CNTN4: variants seen among roughly 807,000 people sequenced by gnomAD.
The protein encoded by CNTN4 is contactin 4.
Under a neutral mutation model 122.5 loss-of-function variants are expected in CNTN4, and 77 were observed. The ratio of observed to expected loss-of-function variants is 0.63; its 90% confidence interval spans 0.52 to 0.76. The LOEUF (loss-of-function observed/expected upper bound fraction) is 0.76. CNTN4 is among the 30% of genes least tolerant of loss of function. CNTN4 has a pLI of 0.00. For missense variants in CNTN4, 1,256 were observed against 1,259.1 expected (o/e 1.00, Z 0.04); for synonymous variants, 512 against 447.0 (o/e 1.15, Z -1.83).
chr3:2,164,671 T>C (rs1203111107), intron 2 of CNTN4, among the ~76,000 whole-genome samples: 1 of 152,176 alleles, frequency 6.6e-6, no homozygotes. Flanking sequence ...AATTTGACTA[T>C]TATCCAGTTT....
chr3:2,413,100 T>C (rs1035443241), intron 3 of CNTN4, among the ~76,000 whole-genome samples: 9 of 152,316 alleles, frequency 5.9e-5, no homozygotes, highest in African/African-American at 2.2e-4. Flanking sequence ...ATCGTTAAAA[T>C]GTACTATGTA....
intron 2 of CNTN4, among the ~76,000 whole-genome samples, chr3:2,336,007 A>G (rs547599572): frequency 5.9e-5 from 9 of 152,334 alleles, no homozygotes; most frequent in Admixed American, 4.6e-4. Context: ...ACACAGGTAC[A>G]TACTTTCCCA....
At chr3:3,021,254 T>A (rs1447003654) in intron 14 of CNTN4, among the ~76,000 whole-genome samples, 1 of 152,216 alleles carries the variant, frequency 6.6e-6, no homozygotes, top group East Asian at 1.9e-4. Flanking sequence ...TTATGCAGAA[T>A]TGATACAGTT....
chr3:2,923,767 C>A (rs1195386758), intron 12 of CNTN4, among the ~76,000 whole-genome samples: 2 of 152,066 alleles, frequency 1.3e-5, no homozygotes, highest in Non-Finnish European at 2.9e-5. Context: ...TTTAACTTAT[C>A]TTTTTAATCA....
intron 24 of CNTN4, among the ~76,000 whole-genome samples, chr3:3,054,737 T>A (rs929615450): frequency 2.0e-5 from 3 of 152,092 alleles, no homozygotes; most frequent in African/African-American, 7.2e-5. Context: ...TCATTTGGGG[T>A]GACACAAAAG....
intron 4 of CNTN4, among the ~76,000 whole-genome samples, chr3:2,705,050 TATTA>T (rs2086575584): frequency 6.6e-6 from 1 of 151,794 alleles, no homozygotes; most frequent in Non-Finnish European, 1.5e-5. Flanking sequence ...TATATATATT[TATTA>T]ATTATTAATT....
chr3:2,375,378 T>C (rs1044066004), intron 3 of CNTN4, among the ~76,000 whole-genome samples: 2 of 152,206 alleles, frequency 1.3e-5, no homozygotes, highest in Non-Finnish European at 2.9e-5. Flanking sequence ...CTTTCTTCTT[T>C]TTCTCCCTAA....
chr3:2,651,737 CTG>C (rs2083369570), intron 4 of CNTN4, among the ~76,000 whole-genome samples: 1 of 149,474 alleles, frequency 6.7e-6, no homozygotes, highest in African/African-American at 2.5e-5. Flanking sequence ...GAGTCTCACT[CTG>C]TTGCCCAGGC....
chr3:2,404,608 A>G (rs1039367809), intron 3 of CNTN4, among the ~76,000 whole-genome samples: 1 of 152,044 alleles, frequency 6.6e-6, no homozygotes, highest in Non-Finnish European at 1.5e-5. Context: ...GACTCATATG[A>G]TTACATTGGG....
At chr3:2,541,226 G>A (rs2078019371) in intron 3 of CNTN4, among the ~76,000 whole-genome samples, 2 of 152,064 alleles carry the variant, frequency 1.3e-5, no homozygotes, top group South Asian at 2.1e-4. Context: ...GGCAACTTTG[G>A]CTAATGGTTA....
At chr3:2,568,072 A>T (rs2079253740) in intron 3 of CNTN4, among the ~76,000 whole-genome samples, 1 of 152,064 alleles carries the variant, frequency 6.6e-6, no homozygotes, top group Non-Finnish European at 1.5e-5. Context: ...GGTAAACACG[A>T]TTACTTTTTT....
At chr3:2,983,162 C>A (rs998948429) in intron 13 of CNTN4, among the ~76,000 whole-genome samples, 1 of 121,272 alleles carries the variant, frequency 8.2e-6, no homozygotes, top group Non-Finnish European at 1.6e-5. Flanking sequence ...TGCAGTGAGC[C>A]GAGATCGCAG....
At chr3:2,978,928 C>T (rs1418715243) in intron 13 of CNTN4, among the ~76,000 whole-genome samples, 1 of 150,068 alleles carries the variant, frequency 6.7e-6, no homozygotes, top group Non-Finnish European at 1.5e-5. Context: ...GGAGTGAGGT[C>T]TGGTATAAAG....
At position 2,326,891 on chromosome 3, in the gene CNTN4, C is replaced by T. The variant is rs149869265; in HGVS notation, c.-144-12287C>T. Among the ~76,000 whole-genome samples the T allele has an allele frequency of 3.9e-3, 587 of 152,236 alleles. 6 individuals carry two copies. The highest frequency in any genetic ancestry group is 0.014 in the Middle Eastern group (4 of 294). On this transcript the variant is annotated intron_variant, in intron 2 of 24. Transcript: ENST00000418658. ...ATTTGAGCCAGCCTTTTTCTAACTC[C>T]GAGGCCTATCCTCTTACTAGTTGAC...
At chr3:2,536,615 G>C (rs1244170720) in intron 3 of CNTN4, among the ~76,000 whole-genome samples, 1 of 150,536 alleles carries the variant, frequency 6.6e-6, no homozygotes, top group Non-Finnish European at 1.5e-5. Flanking sequence ...GTAGAGACTG[G>C]ATCTTACTTT....
chr3:2,735,964 C>G (rs751522144), intron 4 of CNTN4: 5 of 604,212 alleles, frequency 8.3e-6, no homozygotes, highest in Non-Finnish European at 1.6e-5. Context: ...GTCAAGCAGC[C>G]TGCGCCTGGA....
intron 7 of CNTN4, among the ~76,000 whole-genome samples, chr3:2,865,973 G>A (rs1025822738): frequency 3.3e-5 from 5 of 152,070 alleles, no homozygotes; most frequent in African/African-American, 7.2e-5. Flanking sequence ...CCACTCCCTC[G>A]TGGATCTAAT....
chr3:2,129,263 G>GAAA (rs2034330522), intron 2 of CNTN4, among the ~76,000 whole-genome samples: 1 of 68,196 alleles, frequency 1.5e-5, no homozygotes, highest in Admixed American at 1.9e-4. Flanking sequence ...GTCCAAACCT[G>GAAA]CAAAAAAAAA....
chr3:3,008,008 A>G (rs1040606206), intron 14 of CNTN4, among the ~76,000 whole-genome samples: 1 of 152,200 alleles, frequency 6.6e-6, no homozygotes, highest in African/African-American at 2.4e-5. Context: ...TTAATGATGT[A>G]TCTGTGATGT....
Sources: allele counts gnomAD v4.1 joint callset (sites outside exome capture counted in the v4.1 genomes callset), GRCh38; gene constraint gnomAD v4.1.1; transcripts MANE v1.5; gene names NCBI Gene and HGNC (gene_info 2026-07-23, HGNC 2026-07-21).